The following DPP6 variants were observed in gnomAD, a reference collection of about 807,000 sequenced individuals.
DPP6 encodes A-type potassium channel modulatory protein DPP6.
A neutral mutation model predicts 122.6 loss-of-function variants in DPP6; 69 were observed. That is an observed-to-expected ratio of 0.56 (90% CI 0.46 to 0.69). The LOEUF (loss-of-function observed/expected upper bound fraction) is 0.69, where lower values mean the gene tolerates loss of function less well. Ranked by LOEUF, DPP6 falls within the 30% of genes least tolerant of loss-of-function variation. The pLI, the probability that DPP6 is intolerant of heterozygous loss-of-function variation, is 0.00. For missense variants in DPP6, 928 were observed against 1,116.9 expected, an observed-to-expected ratio of 0.83 and a Z score of 2.41; for synonymous variants, 418 against 433.1, an observed-to-expected ratio of 0.97 and a Z score of 0.43.
intron 1 of DPP6, among the ~76,000 whole-genome samples, chr7:154,160,988 C>G (rs1796951867): frequency 6.6e-6 from 1 of 152,162 alleles, no homozygotes; most frequent in South Asian, 2.1e-4. Context: ...AATACCAGTT[C>G]CTTTACAACC....
intron 1 of DPP6, among the ~76,000 whole-genome samples, chr7:154,341,188 A>G (rs1809895247): frequency 6.6e-6 from 1 of 152,156 alleles, no homozygotes; most frequent in South Asian, 2.1e-4. Flanking sequence ...TGATGATGCC[A>G]AATAGGGTTT....
At chr7:154,686,411 A>G (rs199914560) in intron 7 of DPP6, among the ~76,000 whole-genome samples, 1 of 106,280 alleles carries the variant, frequency 9.4e-6, no homozygotes, top group Non-Finnish European at 2.2e-5. Flanking sequence ...AGGCCACCAT[A>G]AGGATTTTTT....
chr7:154,336,272 A>G (rs1436205664), intron 1 of DPP6, among the ~76,000 whole-genome samples: 2 of 152,150 alleles, frequency 1.3e-5, no homozygotes, highest in African/African-American at 4.8e-5. Flanking sequence ...CTCCTGATAG[A>G]CCGTGGAACT....
intron 4 of DPP6, among the ~76,000 whole-genome samples, chr7:154,558,972 A>G (rs1830230284): frequency 6.6e-6 from 1 of 152,226 alleles, no homozygotes; most frequent in Admixed American, 6.5e-5. Flanking sequence ...AGAATTAAAA[A>G]TATCTGGTGT....
chr7:154,611,305 C>T lies in DPP6; in HGVS notation c.628-26516C>T, dbSNP rs993695432. On this transcript the variant is annotated intron_variant, in intron 5 of 25. Transcript: ENST00000377770. Reference sequence around the variant, plus strand: ...CGTACGAACACACATCACTTTATCTCGTTAGCTTGGGAAATGGATACGGGC... The same window carrying T: ...CGTACGAACACACATCACTTTATCTTGTTAGCTTGGGAAATGGATACGGGC... Among the ~76,000 whole-genome samples, 7 of 152,108 alleles carry T rather than the reference C, an allele frequency of 4.6e-5. No homozygotes were observed. The South Asian group carries it at 6.2e-4, about 13-fold the overall frequency.
At chr7:153,865,993 TA>T in the DPP6 span, among the ~76,000 whole-genome samples, 1 of 152,196 alleles carries the variant, frequency 6.6e-6, no homozygotes, top group African/African-American at 2.4e-5. Context: ...CATCATTTTT[TA>T]TGGCTGCATA....
intron 1 of DPP6, among the ~76,000 whole-genome samples, chr7:154,112,022 C>G (rs1179630283): frequency 6.6e-6 from 1 of 152,128 alleles, no homozygotes; most frequent in Non-Finnish European, 1.5e-5. Context: ...CCAATTTGCC[C>G]TCCTTTACTC....
At chr7:153,958,641 C>T (rs1166694128) in intron 1 of DPP6, among the ~76,000 whole-genome samples, 4 of 152,158 alleles carry the variant, frequency 2.6e-5, no homozygotes, top group East Asian at 1.9e-4. Flanking sequence ...CTAGAATCAT[C>T]GGAGGCGGGG....
At chr7:154,271,016 G>C (rs1016070879) in intron 1 of DPP6, among the ~76,000 whole-genome samples, 1 of 152,194 alleles carries the variant, frequency 6.6e-6, no homozygotes, top group East Asian at 1.9e-4. Flanking sequence ...ACAATAATAA[G>C]CTGTGATCAA....
At chr7:154,429,521 C>A (rs1026250254) in intron 1 of DPP6, among the ~76,000 whole-genome samples, 2 of 152,210 alleles carry the variant, frequency 1.3e-5, no homozygotes, top group Non-Finnish European at 2.9e-5. Flanking sequence ...CTTTTAACAG[C>A]CACATAAAAT....
chr7:153,760,901 A>G, the DPP6 span, among the ~76,000 whole-genome samples: 2 of 152,094 alleles, frequency 1.3e-5, no homozygotes, highest in Non-Finnish European at 2.9e-5. Flanking sequence ...GCAGATCTCC[A>G]AAGCTCTCTT....
At chr7:154,108,594 C>CTTAA (rs1401359918) in intron 1 of DPP6, among the ~76,000 whole-genome samples, 1 of 152,168 alleles carries the variant, frequency 6.6e-6, no homozygotes, top group Non-Finnish European at 1.5e-5. Context: ...GTGAGCTGAA[C>CTTAA]TTAATCAAGC....
chr7:154,723,158 CT>C (rs2131349752), intron 7 of DPP6, among the ~76,000 whole-genome samples: 1 of 152,154 alleles, frequency 6.6e-6, no homozygotes, highest in Admixed American at 6.5e-5. Flanking sequence ...ACTTGGGAGG[CT>C]CAGTGGGAGG....
At chr7:153,996,973 G>C (rs1328179343) in intron 1 of DPP6, among the ~76,000 whole-genome samples, 2 of 151,878 alleles carry the variant, frequency 1.3e-5, no homozygotes, top group Admixed American at 6.6e-5. Context: ...TAAATGACAA[G>C]GCAATTTTTT....
chr7:154,435,826 A>G (rs1818813513), intron 1 of DPP6, among the ~76,000 whole-genome samples: 1 of 152,256 alleles, frequency 6.6e-6, no homozygotes, highest in Non-Finnish European at 1.5e-5. Flanking sequence ...AGCTTTTCAC[A>G]GTGAATAAAT....
intron 1 of DPP6, among the ~76,000 whole-genome samples, chr7:154,200,634 T>C (rs1439761647): frequency 6.6e-6 from 1 of 152,238 alleles, no homozygotes; most frequent in Non-Finnish European, 1.5e-5. Context: ...TTCTGTCTCG[T>C]GAGGACTCTG....
chr7:154,463,095 A>G (rs899986097), intron 2 of DPP6, among the ~76,000 whole-genome samples: 28 of 150,910 alleles, frequency 1.9e-4, no homozygotes, highest in African/African-American at 6.6e-4. Flanking sequence ...AAGGCCTAGA[A>G]TTGGGGACCC....
At chr7:154,720,119 T>A (rs1374715440) in intron 7 of DPP6, among the ~76,000 whole-genome samples, 1 of 152,154 alleles carries the variant, frequency 6.6e-6, no homozygotes, top group Non-Finnish European at 1.5e-5. Context: ...GGTTGAGAGC[T>A]GAGCAGAGGC....
intron 1 of DPP6, among the ~76,000 whole-genome samples, chr7:154,320,738 A>C (rs941424874): frequency 5.3e-5 from 8 of 152,098 alleles, no homozygotes; most frequent in Admixed American, 5.2e-4. Flanking sequence ...CGCCTGCCTC[A>C]ACCTCCCAAC....
Sources: allele counts gnomAD v4.1 joint callset (sites outside exome capture counted in the v4.1 genomes callset), GRCh38; gene constraint gnomAD v4.1.1; transcripts MANE v1.5; gene names NCBI Gene and HGNC (gene_info 2026-07-23, HGNC 2026-07-21).